The following RNGTT variants were observed in gnomAD, a reference collection of about 807,000 sequenced individuals.
RNGTT encodes the protein mRNA-capping enzyme.
A neutral mutation model predicts 79.3 loss-of-function variants in RNGTT; 33 were observed. The observed-to-expected ratio is 0.42, with a 90% CI of 0.32 to 0.56. RNGTT has a LOEUF of 0.56. Among genes scored for constraint, RNGTT ranks in the 20% least tolerant of loss-of-function variants. The pLI is 0.17. For synonymous variants in RNGTT, 222 were observed against 235.9 expected (o/e 0.94, Z 0.54); for missense variants, 497 against 739.1 (o/e 0.67, Z 3.80).
At chr6:88,786,851 G>T (rs975890643) in intron 12 of RNGTT, among the ~76,000 whole-genome samples, 1 of 152,144 alleles carries the variant, frequency 6.6e-6, no homozygotes, top group African/African-American at 2.4e-5. Context: ...GGTATTAGGA[G>T]GTGGGACCTT....
intron 13 of RNGTT, among the ~76,000 whole-genome samples, chr6:88,680,448 T>A (rs1331105038): frequency 5.3e-5 from 8 of 151,988 alleles, no homozygotes; most frequent in South Asian, 2.1e-4. Flanking sequence ...CTACGTTCTA[T>A]AAGAGCCTAC....
chr6:88,782,763 C>T (rs1158100926), intron 12 of RNGTT, among the ~76,000 whole-genome samples: 1 of 151,932 alleles, frequency 6.6e-6, no homozygotes, highest in Admixed American at 6.6e-5. Context: ...AAATAAGAAA[C>T]GTAGATGGCC....
intron 4 of RNGTT, among the ~76,000 whole-genome samples, chr6:88,927,630 C>A (rs1473302029): frequency 6.7e-6 from 1 of 149,688 alleles, no homozygotes; most frequent in East Asian, 2.0e-4. Context: ...CCATTGCACT[C>A]CAGCCAGGGG....
intron 8 of RNGTT, among the ~76,000 whole-genome samples, chr6:88,872,391 C>T (rs762395082): frequency 8.6e-5 from 13 of 151,754 alleles, no homozygotes; most frequent in South Asian, 2.1e-4. Context: ...ATCTGATAGA[C>T]GACATTGAAC....
At chr6:88,736,604 T>C (rs1777294476) in intron 13 of RNGTT, among the ~76,000 whole-genome samples, 2 of 152,296 alleles carry the variant, frequency 1.3e-5, no homozygotes, top group African/African-American at 4.8e-5. Context: ...ATAAAGCTAC[T>C]GTTAGGCAAA....
At chr6:88,767,073 T>C (rs1195507443) in intron 13 of RNGTT, among the ~76,000 whole-genome samples, 1 of 152,158 alleles carries the variant, frequency 6.6e-6, no homozygotes, top group Non-Finnish European at 1.5e-5. Context: ...CATATTACTC[T>C]GGCTAACCGA....
In RNGTT at chr6:88,895,575, A is replaced by C. The variant is rs888935463; in HGVS notation, c.685-3660T>G. On this transcript the variant is annotated intron_variant, in intron 6 of 15. Transcript: ENST00000369485. Reference sequence around the variant, plus strand: ...TTGAATACATAGTTATATCAATATAAGAATCAGAAAAGACTGTACTTAACA... The same window carrying C: ...TTGAATACATAGTTATATCAATATACGAATCAGAAAAGACTGTACTTAACA... Among the ~76,000 whole-genome samples the C allele has an allele frequency of 2.0e-5, 3 of 152,292 alleles. No homozygotes were observed. The East Asian group carries it at 5.8e-4, about 29-fold the overall frequency.
intron 11 of RNGTT, among the ~76,000 whole-genome samples, chr6:88,834,822 A>G (rs1010098481): frequency 1.3e-5 from 2 of 149,882 alleles, no homozygotes; most frequent in African/African-American, 2.5e-5. Context: ...GAAAAGCAAT[A>G]CATAGAAAAT....
At chr6:88,646,647 G>A (rs927045655) in intron 14 of RNGTT, among the ~76,000 whole-genome samples, 1 of 152,154 alleles carries the variant, frequency 6.6e-6, no homozygotes, top group Non-Finnish European at 1.5e-5. Flanking sequence ...TATACACCAT[G>A]GAATACTATG....
intron 11 of RNGTT, among the ~76,000 whole-genome samples, chr6:88,802,417 G>A (rs748086265): frequency 2.0e-5 from 3 of 152,120 alleles, no homozygotes; most frequent in South Asian, 2.1e-4. Flanking sequence ...GACTGATTAC[G>A]TAGTTTTAAT....
intron 13 of RNGTT, among the ~76,000 whole-genome samples, chr6:88,709,767 G>A (rs1351505565): frequency 6.6e-6 from 1 of 152,130 alleles, no homozygotes; most frequent in East Asian, 1.9e-4. Flanking sequence ...CATTTCAAGT[G>A]CTCAACAGCT....
intron 11 of RNGTT, among the ~76,000 whole-genome samples, chr6:88,810,063 A>T (rs572592865): frequency 6.7e-4 from 102 of 152,242 alleles, no homozygotes; most frequent in African/African-American, 2.2e-3. Context: ...AGCAAAAAAA[A>T]ATTTTTTACC....
At chr6:88,952,323 AT>A in intron 1 of RNGTT, among the ~76,000 whole-genome samples, 1 of 152,230 alleles carries the variant, frequency 6.6e-6, no homozygotes, top group Admixed American at 6.5e-5. Context: ...ACCTGATGGT[AT>A]TTCTCTACCT....
chr6:88,715,801 A>C (rs1776489737), intron 13 of RNGTT, among the ~76,000 whole-genome samples: 3 of 152,226 alleles, frequency 2.0e-5, no homozygotes, highest in Admixed American at 2.0e-4. Flanking sequence ...CTTACACCTT[A>C]TACATAAATT....
intron 13 of RNGTT, among the ~76,000 whole-genome samples, chr6:88,724,934 C>T (rs986740957): frequency 6.6e-6 from 1 of 152,310 alleles, no homozygotes; most frequent in East Asian, 1.9e-4. Context: ...GGGAAGGACA[C>T]AGCAGCAGGG....
At chr6:88,737,384 C>A (rs970138650) in intron 13 of RNGTT, among the ~76,000 whole-genome samples, 1 of 152,100 alleles carries the variant, frequency 6.6e-6, no homozygotes, top group African/African-American at 2.4e-5. Context: ...TTAGATGAGA[C>A]TTTGAACTTT....
At chr6:88,880,889 T>C (rs931072661) in intron 8 of RNGTT, among the ~76,000 whole-genome samples, 2 of 152,188 alleles carry the variant, frequency 1.3e-5, no homozygotes, top group Non-Finnish European at 1.5e-5. Context: ...ATAAACTAAG[T>C]ACACAGATAA....
At chr6:88,651,121 C>A (rs954144062) in intron 14 of RNGTT, among the ~76,000 whole-genome samples, 2 of 150,934 alleles carry the variant, frequency 1.3e-5, no homozygotes, top group African/African-American at 4.8e-5. Context: ...AAAAAAAAAA[C>A]AACAACAACA....
intron 2 of RNGTT, among the ~76,000 whole-genome samples, chr6:88,936,990 A>C (rs1171219714): frequency 6.6e-6 from 1 of 152,188 alleles, no homozygotes; most frequent in South Asian, 2.1e-4. Flanking sequence ...TAGGTTGCAT[A>C]TATCTAGGAA....
Sources: gnomAD v4.1 joint callset for allele counts (sites outside exome capture counted in the v4.1 genomes callset) on GRCh38, gnomAD v4.1.1 for gene constraint, MANE v1.5 for transcripts, NCBI Gene and HGNC (gene_info 2026-07-23, HGNC 2026-07-21) for gene names.